The following PLEKHA7 variants were observed in gnomAD, a reference collection of about 807,000 sequenced individuals.
The protein encoded by PLEKHA7 is pleckstrin homology domain-containing family A member 7.
A neutral mutation model predicts 170.0 loss-of-function variants in PLEKHA7; 104 were observed. The observed-to-expected ratio is 0.61, with a 90% CI of 0.52 to 0.72. The LOEUF is 0.72. Ranked by LOEUF, PLEKHA7 falls within the 30% of genes least tolerant of loss-of-function variation. The pLI is 0.00. For missense variants in PLEKHA7, 1,615 were observed against 1,671.7 expected, an observed-to-expected ratio of 0.97 and a Z score of 0.59; for synonymous variants, 648 against 660.8, an observed-to-expected ratio of 0.98 and a Z score of 0.30.
Position 16,800,987 on chromosome 11 carries a change from G to C in PLEKHA7, c.2396C>G (p.Ala799Gly), listed in dbSNP as rs1471969280. 2 of 1,614,084 alleles carry C rather than the reference G, an allele frequency of 1.2e-6. No individual in the cohort carries two copies. The highest frequency in any genetic ancestry group is 1.7e-6 in the Non-Finnish European group (2 of 1,179,902). ...GTATCAGGTCACCTGGAAAAAAAAG[G>C]CTCTTCTGTGTTGCTCCTGCAGGGT... is the stretch of plus-strand genomic sequence containing the variant. ...KQTLQEQHRR[A>G]FFFQEKSQIQ... is the part of the protein sequence containing the mutation. Residue 799 changes from alanine (A) to glycine (G), a missense_variant, in exon 17 of 27, where the codon GCC (alanine) becomes GGC (glycine). Ala to Gly is a moderately conservative substitution (Grantham distance 60). Coordinates refer to ENST00000531066, the MANE Select transcript of PLEKHA7 (RefSeq NM_001329630.2).
chr11:16,907,948 TG>T (rs202011050), intron 3 of PLEKHA7, among the ~76,000 whole-genome samples: 2,168 of 148,734 alleles, frequency 0.015, 17 homozygotes, highest in African/African-American at 0.052. Flanking sequence ...GGGATCCTGT[TG>T]ATCTGTGACC....
At chr11:16,902,612 C>A (rs1471304802) in intron 3 of PLEKHA7, among the ~76,000 whole-genome samples, 3 of 152,154 alleles carry the variant, frequency 2.0e-5, no homozygotes, top group Non-Finnish European at 4.4e-5. Context: ...AGCATCTTTT[C>A]ATTTGCTTAT....
intron 3 of PLEKHA7, among the ~76,000 whole-genome samples, chr11:16,975,575 T>C (rs947099866): frequency 6.6e-6 from 1 of 152,202 alleles, no homozygotes; most frequent in African/African-American, 2.4e-5. Context: ...TTTTGCTATC[T>C]GTGGGGGCTC....
chr11:16,880,833 T>C (rs1211578130), intron 3 of PLEKHA7, among the ~76,000 whole-genome samples: 2 of 152,204 alleles, frequency 1.3e-5, no homozygotes, highest in Non-Finnish European at 2.9e-5. Flanking sequence ...AATAAGTCAG[T>C]TTCCCCAACT....
chr11:16,932,788 T>G (rs1340461298), intron 3 of PLEKHA7, among the ~76,000 whole-genome samples: 1 of 152,286 alleles, frequency 6.6e-6, no homozygotes, highest in East Asian at 1.9e-4. Context: ...AAGACCTCGC[T>G]AAGGTGTGGT....
chr11:16,801,901 C>T, intron 15 of PLEKHA7, 84 bp from the exon 16 acceptor site: 1 of 1,552,350 alleles, frequency 6.4e-7, no homozygotes, highest in Non-Finnish European at 8.8e-7. Context: ...ACCAAAGCTA[C>T]TGGACCTAAC....
chr11:16,887,342 C>T (rs1200671773), intron 3 of PLEKHA7, among the ~76,000 whole-genome samples: 1 of 78,136 alleles, frequency 1.3e-5, no homozygotes, highest in African/African-American at 3.1e-5. Flanking sequence ...GTCTCCCTCT[C>T]CCTCTCCCCA....
chr11:16,985,921 CTAAA>C (rs977815426), intron 3 of PLEKHA7, among the ~76,000 whole-genome samples: 120 of 152,326 alleles, frequency 7.9e-4, no homozygotes, highest in African/African-American at 2.8e-3. Flanking sequence ...GCACTGCTAA[CTAAA>C]TGAATGAAAG....
At chr11:16,836,774 T>A (rs1375222767) in intron 9 of PLEKHA7, among the ~76,000 whole-genome samples, 2 of 152,100 alleles carry the variant, frequency 1.3e-5, no homozygotes, top group African/African-American at 2.4e-5. Context: ...TTGTGTTTTT[T>A]ATTTTGTTTT....
At chr11:16,897,271 G>A (rs1008440426) in intron 3 of PLEKHA7, among the ~76,000 whole-genome samples, 1 of 152,122 alleles carries the variant, frequency 6.6e-6, no homozygotes, top group African/African-American at 2.4e-5. Context: ...TACACAAAAG[G>A]CTACAGAACA....
chr11:16,791,847 T>C lies in PLEKHA7; in HGVS notation c.2746-648A>G. ...AATGTGATGAATGCAACATTTTCCT[T>C]GAAACTCCCTGTCCACAGTGTTCTG... On this transcript the variant is annotated intron_variant, in intron 19 of 26. Transcript: ENST00000531066. This position sits in a 1 kb window ranked among gnomAD's most constrained non-coding sequence, Gnocchi z 4.5. 1 of 373,764 alleles carries C rather than the reference T, an allele frequency of 2.7e-6. No homozygotes were observed. Among genetic ancestry groups the C allele is most frequent in the Non-Finnish European group, 5.4e-6 (1 of 186,234 alleles). 23.2% of individuals were successfully genotyped at this position (373,764 alleles called of 1,614,324 possible).
At chr11:16,958,846 G>A (rs1861867692) in intron 3 of PLEKHA7, among the ~76,000 whole-genome samples, 1 of 132,606 alleles carries the variant, frequency 7.5e-6, no homozygotes, top group Non-Finnish European at 1.8e-5. Flanking sequence ...AAAACATACT[G>A]AAAAGAAGAA....
intron 3 of PLEKHA7, among the ~76,000 whole-genome samples, chr11:16,980,270 G>T (rs888481163): frequency 1.3e-5 from 2 of 152,224 alleles, no homozygotes; most frequent in Non-Finnish European, 2.9e-5. Flanking sequence ...GCTTTGTGTG[G>T]ATTATCTCAT....
At chr11:16,959,430 GA>G (rs1391621475) in intron 3 of PLEKHA7, among the ~76,000 whole-genome samples, 1 of 152,180 alleles carries the variant, frequency 6.6e-6, no homozygotes, top group Non-Finnish European at 1.5e-5. Flanking sequence ...GGAAACTGCA[GA>G]AAACATGTTT....
At chr11:16,868,821 G>C (rs942181694) in intron 4 of PLEKHA7, among the ~76,000 whole-genome samples, 6 of 152,138 alleles carry the variant, frequency 3.9e-5, no homozygotes, top group Non-Finnish European at 5.9e-5. Flanking sequence ...GGGATGTTTC[G>C]GTAGTAGGAA....
intron 3 of PLEKHA7, among the ~76,000 whole-genome samples, chr11:16,946,500 G>C (rs893103710): frequency 1.4e-4 from 21 of 152,228 alleles, no homozygotes; most frequent in East Asian, 1.2e-3. Flanking sequence ...GAATCACAGG[G>C]ATTTTAGTTT....
intron 3 of PLEKHA7, among the ~76,000 whole-genome samples, chr11:16,915,279 G>A (rs908559446): frequency 7.2e-5 from 11 of 152,214 alleles, no homozygotes; most frequent in Non-Finnish European, 1.3e-4. Flanking sequence ...TAAGTAGGTT[G>A]ACCTGCTCTA....
intron 15 of PLEKHA7, 38 bp from the exon 16 acceptor site, chr11:16,801,855 G>A (rs1019637216): frequency 2.5e-6 from 4 of 1,612,254 alleles, no homozygotes; most frequent in African/African-American, 2.7e-5. Flanking sequence ...AGGATAGGAG[G>A]ACAGTCCCCA....
At chr11:16,966,093 G>A (rs891898318) in intron 3 of PLEKHA7, among the ~76,000 whole-genome samples, 10 of 152,180 alleles carry the variant, frequency 6.6e-5, no homozygotes, top group African/African-American at 2.4e-4. Context: ...TGAGGCAGGA[G>A]AATCACTTGA....
Sources: allele counts gnomAD v4.1 joint callset (sites outside exome capture counted in the v4.1 genomes callset), GRCh38; gene constraint gnomAD v4.1.1; non-coding constraint Gnocchi (gnomAD v3.1); transcripts MANE v1.5; gene names NCBI Gene and HGNC (gene_info 2026-07-23, HGNC 2026-07-21).